The following SBF2 variants were observed in gnomAD, a reference collection of about 807,000 sequenced individuals.
SBF2 encodes the protein myotubularin-related protein 13.
SBF2 carries 112 observed loss-of-function variants against 225.2 expected under a neutral mutation model. The ratio of observed to expected loss-of-function variants is 0.50; its 90% CI spans 0.43 to 0.58. The LOEUF is 0.58. SBF2 is among the 20% of genes least tolerant of loss of function. The pLI, the probability that SBF2 is intolerant of heterozygous loss-of-function variation, is 0.00. For missense variants in SBF2, 1,996 were observed against 2,206.2 expected (o/e 0.90, Z 1.91); for synonymous variants, 763 against 773.3 (o/e 0.99, Z 0.22).
chr11:10,070,724 G>A (rs1950830211), intron 2 of SBF2, among the ~76,000 whole-genome samples: 1 of 152,166 alleles, frequency 6.6e-6, no homozygotes, highest in Non-Finnish European at 1.5e-5. Context: ...GATGGGGATG[G>A]AATTGAATCT....
In SBF2 at chr11:9,853,530, G is replaced by C; in HGVS notation, c.2536+10C>G. On this transcript the variant is annotated intron_variant, in intron 20 of 39. Coordinates refer to ENST00000256190, the MANE Select transcript of SBF2 (RefSeq NM_030962.4). The stretch of plus-strand genomic sequence containing the variant: ...ATATTCTGATTCTCTAATATCTGCA[G>C]AGTGATTACCTGGTATCATGCAATG... The C allele has an allele frequency of 6.2e-7, 1 of 1,611,398 alleles. No homozygotes were observed.
chr11:10,240,709 G>C (rs1959196651), intron 1 of SBF2, among the ~76,000 whole-genome samples: 1 of 152,130 alleles, frequency 6.6e-6, no homozygotes, highest in African/African-American at 2.4e-5. Context: ...AAAATTCATG[G>C]TATTTAATGA....
chr11:10,177,413 C>T (rs1956517895), intron 2 of SBF2, among the ~76,000 whole-genome samples: 1 of 148,944 alleles, frequency 6.7e-6, no homozygotes, highest in South Asian at 2.1e-4. Flanking sequence ...TCCCTGTTTG[C>T]AGACGACATG....
At chr11:9,841,805 A>AT (rs1167325484) in intron 25 of SBF2, among the ~76,000 whole-genome samples, 7 of 152,202 alleles carry the variant, frequency 4.6e-5, no homozygotes, top group African/African-American at 1.7e-4. Flanking sequence ...AAGTGCTGGG[A>AT]TTACAGGCAT....
intron 33 of SBF2, among the ~76,000 whole-genome samples, chr11:9,795,485 T>C (rs1853066455): frequency 2.0e-5 from 3 of 152,222 alleles, no homozygotes; most frequent in Admixed American, 2.0e-4. Flanking sequence ...GGGTCTTAGC[T>C]GTATTCAAGC....
chr11:9,917,556 T>G (rs1272873220), intron 16 of SBF2, among the ~76,000 whole-genome samples: 2 of 151,660 alleles, frequency 1.3e-5, no homozygotes, highest in Middle Eastern at 3.2e-3. Flanking sequence ...GGTCTTGAAC[T>G]CCTGAGCTCA....
At chr11:9,945,657 C>A (rs1288187985) in intron 16 of SBF2, among the ~76,000 whole-genome samples, 1 of 151,788 alleles carries the variant, frequency 6.6e-6, no homozygotes, top group African/African-American at 2.4e-5. Context: ...AAACAGACAA[C>A]CTAAAGAATG....
chr11:9,893,293 G>C (rs1006643419), intron 17 of SBF2, among the ~76,000 whole-genome samples: 11 of 152,306 alleles, frequency 7.2e-5, no homozygotes, highest in Admixed American at 2.0e-4. Context: ...TAAAGATTTA[G>C]AAAATATCCG....
chr11:10,010,621 T>G (rs914534040), intron 6 of SBF2, among the ~76,000 whole-genome samples: 6 of 152,352 alleles, frequency 3.9e-5, no homozygotes, highest in African/African-American at 1.2e-4. Flanking sequence ...ACCAGTACCA[T>G]GCTGTTTTGG....
At chr11:10,156,519 G>A (rs755453954) in intron 2 of SBF2, among the ~76,000 whole-genome samples, 17 of 152,238 alleles carry the variant, frequency 1.1e-4, no homozygotes, top group East Asian at 5.8e-4. Context: ...AAGTTGGCAC[G>A]TCAGTTCTGG....
intron 2 of SBF2, among the ~76,000 whole-genome samples, chr11:10,189,533 C>T (rs1957074625): frequency 6.6e-6 from 1 of 152,188 alleles, no homozygotes; most frequent in Admixed American, 6.5e-5. Context: ...GTTACACCTG[C>T]ACAATGTGGA....
At chr11:10,067,773 T>G (rs151171535) in intron 2 of SBF2, among the ~76,000 whole-genome samples, 181 of 152,190 alleles carry the variant, frequency 1.2e-3, no homozygotes, top group African/African-American at 3.9e-3. Context: ...TAGCTGTCTG[T>G]GCATCCAGCT....
intron 16 of SBF2, among the ~76,000 whole-genome samples, chr11:9,912,756 A>T (rs979359378): frequency 6.6e-6 from 1 of 152,228 alleles, no homozygotes; most frequent in African/African-American, 2.4e-5. Context: ...CTAAGTAGAC[A>T]ACAACAAAAT....
chr11:9,956,285 A>G (rs1436339977), intron 16 of SBF2, among the ~76,000 whole-genome samples: 1 of 152,202 alleles, frequency 6.6e-6, no homozygotes, highest in Non-Finnish European at 1.5e-5. Flanking sequence ...GGAAATCACT[A>G]GGTGATAGAG....
At chr11:9,824,607 A>G (rs1346036828) in intron 28 of SBF2, among the ~76,000 whole-genome samples, 1 of 152,078 alleles carries the variant, frequency 6.6e-6, no homozygotes, top group African/African-American at 2.4e-5. Context: ...TTGAAAATCT[A>G]TGAACCTTGA....
At chr11:9,894,567 C>A (rs1418401155) in intron 17 of SBF2, among the ~76,000 whole-genome samples, 1 of 151,858 alleles carries the variant, frequency 6.6e-6, no homozygotes, top group African/African-American at 2.4e-5. Context: ...GCCTGTAGTT[C>A]CAGCTACTTG....
At chr11:10,038,552 CTG>C (rs1261988748) in intron 3 of SBF2, among the ~76,000 whole-genome samples, 1 of 151,962 alleles carries the variant, frequency 6.6e-6, no homozygotes, top group African/African-American at 2.4e-5. Context: ...CAATTATTAT[CTG>C]TTTCACTGAA....
At chr11:10,084,985 A>T (rs900876055) in intron 2 of SBF2, among the ~76,000 whole-genome samples, 10 of 152,098 alleles carry the variant, frequency 6.6e-5, no homozygotes, top group Admixed American at 4.6e-4. Context: ...TGGGTGCAAT[A>T]TATATTAGTT....
At chr11:9,925,761 G>T (rs1234936253) in intron 16 of SBF2, among the ~76,000 whole-genome samples, 1 of 152,120 alleles carries the variant, frequency 6.6e-6, no homozygotes, top group African/African-American at 2.4e-5. Context: ...AGGTCTTATA[G>T]TCCTAAAGTT....
Sources: allele counts gnomAD v4.1 joint callset (sites outside exome capture counted in the v4.1 genomes callset), GRCh38; gene constraint gnomAD v4.1.1; transcripts MANE v1.5; gene names NCBI Gene and HGNC (gene_info 2026-07-23, HGNC 2026-07-21).